CNTNAP2: variants seen among roughly 807,000 people sequenced by gnomAD.
CNTNAP2 encodes contactin associated protein 2.
CNTNAP2 carries 98 observed loss-of-function variants against 155.2 expected under a neutral mutation model. That is an observed-to-expected ratio of 0.63 (90% CI 0.54 to 0.75). CNTNAP2 has a LOEUF of 0.75. CNTNAP2 is among the 30% of genes least tolerant of loss of function. The probability of loss-of-function intolerance (pLI) is 0.00; values close to 1 mark genes in which losing one functional copy is unlikely to be tolerated. For missense variants in CNTNAP2, 1,727 were observed against 1,688.1 expected, an observed-to-expected ratio of 1.02 and a Z score of -0.40; for synonymous variants, 651 against 631.2, an observed-to-expected ratio of 1.03 and a Z score of -0.47.
At chr7:146,495,268 C>T (rs927720328) in intron 1 of CNTNAP2, among the ~76,000 whole-genome samples, 1 of 152,224 alleles carries the variant, frequency 6.6e-6, no homozygotes, top group Non-Finnish European at 1.5e-5. Context: ...TTCTCATTTC[C>T]ATGTCGAGTA....
At chr7:146,644,336 C>T (rs1298832589) in intron 1 of CNTNAP2, among the ~76,000 whole-genome samples, 8 of 152,190 alleles carry the variant, frequency 5.3e-5, no homozygotes, top group East Asian at 3.9e-4. Context: ...CCCATCAATA[C>T]CTAATTTATG....
intron 8 of CNTNAP2, among the ~76,000 whole-genome samples, chr7:147,229,971 C>T (rs1803640234): frequency 6.6e-6 from 1 of 152,106 alleles, no homozygotes; most frequent in South Asian, 2.1e-4. Context: ...TTGAAACTTA[C>T]TATACATCAA....
At chr7:146,773,126 C>T (rs1001077826) in intron 1 of CNTNAP2, among the ~76,000 whole-genome samples, 13 of 151,906 alleles carry the variant, frequency 8.6e-5, no homozygotes, top group African/African-American at 2.4e-4. Context: ...GTCCTGGCCA[C>T]GTTAACATTA....
At chr7:146,635,636 T>C (rs546474094) in intron 1 of CNTNAP2, among the ~76,000 whole-genome samples, 90 of 152,282 alleles carry the variant, frequency 5.9e-4, no homozygotes, top group Admixed American at 9.2e-4. Context: ...TGGGGTAGAC[T>C]GTAAGAGGCT....
chr7:147,552,909 C>T (rs937690352), intron 11 of CNTNAP2, among the ~76,000 whole-genome samples: 2 of 152,102 alleles, frequency 1.3e-5, no homozygotes, highest in African/African-American at 4.8e-5. Context: ...GCTCTCTCTC[C>T]AGGCCAGCAG....
chr7:147,873,028 G>C (rs1799354421), intron 13 of CNTNAP2, among the ~76,000 whole-genome samples: 1 of 152,184 alleles, frequency 6.6e-6, no homozygotes, highest in African/African-American at 2.4e-5. Context: ...ACAAAAATTT[G>C]AGTTTGGCAT....
At chr7:146,190,473 A>C (rs995601260) in intron 1 of CNTNAP2, among the ~76,000 whole-genome samples, 1 of 152,180 alleles carries the variant, frequency 6.6e-6, no homozygotes, top group African/African-American at 2.4e-5. Context: ...TCAACAAACC[A>C]TCTGTGGGCC....
chr7:147,734,499 AGGCTTC>A (rs1238686546), intron 13 of CNTNAP2, among the ~76,000 whole-genome samples: 1 of 152,162 alleles, frequency 6.6e-6, no homozygotes, highest in African/African-American at 2.4e-5. Flanking sequence ...TGTCTCTGCC[AGGCTTC>A]GGTATCAGGA....
chr7:148,288,943 G>GC, intron 21 of CNTNAP2, among the ~76,000 whole-genome samples: 1 of 28,362 alleles, frequency 3.5e-5, no homozygotes, highest in Non-Finnish European at 5.7e-5. Context: ...ATCTTATTCA[G>GC]CAAAAAAAAA....
Position 147,692,173 on chromosome 7 carries a change from C to A in CNTNAP2, c.2098+52867C>A, listed in dbSNP as rs184397500. Among the ~76,000 whole-genome samples the A allele has an allele frequency of 4.6e-5, 7 of 152,162 alleles. No homozygotes were observed. In the East Asian group the frequency reaches 1.4e-3, roughly 29 times the overall value. ...ATATGCATTTAAGCTTCCTTTGTGTCTTTTCAAGGCTCAATATCTCATTTC... is the reference window on the plus strand; with the variant it reads ...ATATGCATTTAAGCTTCCTTTGTGTATTTTCAAGGCTCAATATCTCATTTC... On this transcript the variant is annotated intron_variant, in intron 13 of 23. Transcript: ENST00000361727.
chr7:146,552,286 C>T (rs1798134064), intron 1 of CNTNAP2, among the ~76,000 whole-genome samples: 1 of 152,114 alleles, frequency 6.6e-6, no homozygotes, highest in Non-Finnish European at 1.5e-5. Flanking sequence ...AAATTCCCCA[C>T]CTGCAACAGT....
intron 3 of CNTNAP2, among the ~76,000 whole-genome samples, chr7:147,039,731 C>G (rs1304890997): frequency 6.6e-6 from 1 of 152,102 alleles, no homozygotes; most frequent in Non-Finnish European, 1.5e-5. Flanking sequence ...TTTCTTTTAG[C>G]TCTTTGAGGA....
At chr7:146,270,130 T>A (rs908108293) in intron 1 of CNTNAP2, among the ~76,000 whole-genome samples, 7 of 152,190 alleles carry the variant, frequency 4.6e-5, no homozygotes, top group African/African-American at 1.7e-4. Flanking sequence ...ATCCTCCACA[T>A]TTTCACGATG....
At chr7:148,149,850 C>T (rs532659156) in intron 17 of CNTNAP2, among the ~76,000 whole-genome samples, 110 of 152,188 alleles carry the variant, frequency 7.2e-4, no homozygotes, top group African/African-American at 2.6e-3. Context: ...CCACTCCTGG[C>T]CTGTGTTGTT....
At chr7:146,165,117 T>C (rs1016168385) in intron 1 of CNTNAP2, among the ~76,000 whole-genome samples, 18 of 152,202 alleles carry the variant, frequency 1.2e-4, no homozygotes, top group Non-Finnish European at 2.1e-4. Context: ...TAGAAAAATC[T>C]ACTGTGATTT....
intron 1 of CNTNAP2, among the ~76,000 whole-genome samples, chr7:146,385,174 A>G (rs1020819876): frequency 6.6e-6 from 1 of 152,106 alleles, no homozygotes; most frequent in Admixed American, 6.5e-5. Flanking sequence ...GTTTCCTTCC[A>G]GCTCTAACAT....
intron 5 of CNTNAP2, among the ~76,000 whole-genome samples, chr7:147,118,307 CA>C (rs1218576350): frequency 6.6e-6 from 1 of 151,580 alleles, no homozygotes; most frequent in African/African-American, 2.4e-5. Flanking sequence ...AATCATAAGG[CA>C]AAAAAAGAAA....
At chr7:146,682,786 T>C (rs1029815885) in intron 1 of CNTNAP2, among the ~76,000 whole-genome samples, 2 of 152,208 alleles carry the variant, frequency 1.3e-5, no homozygotes, top group Non-Finnish European at 2.9e-5. Context: ...TTATGCATAA[T>C]CGGTTAATAG....
intron 1 of CNTNAP2, among the ~76,000 whole-genome samples, chr7:146,122,702 T>C (rs566129302): frequency 6.6e-6 from 1 of 152,306 alleles, no homozygotes; most frequent in East Asian, 1.9e-4. Flanking sequence ...ATCCGTGGTA[T>C]TATTTTACAG....
Sources: allele counts gnomAD v4.1 joint callset (sites outside exome capture counted in the v4.1 genomes callset), GRCh38; gene constraint gnomAD v4.1.1; transcripts MANE v1.5; gene names NCBI Gene and HGNC (gene_info 2026-07-23, HGNC 2026-07-21).